The following MOB3B variants were observed in gnomAD, a reference collection of about 807,000 sequenced individuals.
MOB3B encodes MOB kinase activator 3B.
In MOB3B, 7 loss-of-function variants were observed where a neutral mutation model predicts 18.7. The observed-to-expected ratio is 0.37, with a 90% CI of 0.21 to 0.70. The LOEUF (loss-of-function observed/expected upper bound fraction) is 0.70, where lower values mean the gene tolerates loss of function less well. Ranked by LOEUF, MOB3B falls within the 30% of genes least tolerant of loss-of-function variation. The pLI is 0.52. For synonymous variants in MOB3B, 111 were observed against 99.9 expected (o/e 1.11, Z -0.66); for missense variants, 253 against 281.3 (o/e 0.90, Z 0.72).
Position 27,325,398 on chromosome 9 carries a change from G to C in MOB3B, c.*5189C>G, listed in dbSNP as rs1201779257. ...GTAAACATTTCTTTTTCTGATGTAT[G>C]TAAAAAAGATACAGGAAAATTCTGA... On this transcript the variant is annotated 3_prime_UTR_variant, in exon 4 of 4. Transcript: ENST00000262244. 1.3e-5 allele frequency: 2 copies of C among 152,108 alleles called. No individual in the cohort carries two copies. The highest frequency in any genetic ancestry group is 2.9e-5 in the Non-Finnish European group (2 of 68,004). 9.4% of individuals were successfully genotyped at this position (152,108 alleles called of 1,614,324 possible).
chr9:27,501,696 G>A (rs1819993632), intron 1 of MOB3B, among the ~76,000 whole-genome samples: 1 of 151,610 alleles, frequency 6.6e-6, no homozygotes, highest in Non-Finnish European at 1.5e-5. Context: ...GAACCCAGGA[G>A]GTGTAGGTTG....
intron 3 of MOB3B, among the ~76,000 whole-genome samples, chr9:27,351,603 T>C (rs1274710951): frequency 6.6e-6 from 1 of 152,188 alleles, no homozygotes; most frequent in Non-Finnish European, 1.5e-5. Flanking sequence ...TCTGTACAGA[T>C]GATGTTTCAA....
chr9:27,424,011 A>T (rs1822293570), intron 2 of MOB3B, among the ~76,000 whole-genome samples: 2 of 152,336 alleles, frequency 1.3e-5, no homozygotes, highest in African/African-American at 2.4e-5. Context: ...TAGGACATGA[A>T]CCTAGACAGG....
chr9:27,446,292 A>T (rs1822691792), intron 2 of MOB3B, among the ~76,000 whole-genome samples: 1 of 152,124 alleles, frequency 6.6e-6, no homozygotes, highest in Non-Finnish European at 1.5e-5. Flanking sequence ...CTTGCACTAC[A>T]GTAGTAGTTC....
At chr9:27,522,924 TA>T (rs1363269096) in intron 1 of MOB3B, among the ~76,000 whole-genome samples, 16 of 150,532 alleles carry the variant, frequency 1.1e-4, no homozygotes, top group South Asian at 1.1e-3. Flanking sequence ...TATATATATA[TA>T]TATTTTTTTC....
intron 2 of MOB3B, among the ~76,000 whole-genome samples, chr9:27,392,999 A>G (rs996266924): frequency 6.6e-6 from 1 of 152,240 alleles, no homozygotes; most frequent in Non-Finnish European, 1.5e-5. Flanking sequence ...TGAGATAAAA[A>G]GGAGGAAAAG....
intron 1 of MOB3B, among the ~76,000 whole-genome samples, chr9:27,468,555 G>A (rs902874729): frequency 6.6e-6 from 1 of 152,150 alleles, no homozygotes; most frequent in African/African-American, 2.4e-5. Flanking sequence ...GCACATCTCT[G>A]ATGCGAATGC....
At chr9:27,505,865 T>C (rs151095189) in intron 1 of MOB3B, among the ~76,000 whole-genome samples, 1,685 of 152,282 alleles carry the variant, frequency 0.011, 33 homozygotes, top group African/African-American at 0.038. Flanking sequence ...AGAGCCATTT[T>C]TTCCCCCTCT....
At chr9:27,445,171 G>A (rs1224995736) in intron 2 of MOB3B, among the ~76,000 whole-genome samples, 1 of 152,074 alleles carries the variant, frequency 6.6e-6, no homozygotes, top group African/African-American at 2.4e-5. Flanking sequence ...CTTTGAAAAG[G>A]GAAATTATGC....
In MOB3B at chr9:27,447,505, C is replaced by A. The variant is rs542767224; in HGVS notation, c.418+7628G>T. On this transcript the variant is annotated intron_variant, in intron 2 of 3. Coordinates refer to ENST00000262244, the MANE Select transcript of MOB3B (RefSeq NM_024761.5). ...CCCAGCTGGTGCTGAGATGTAACAA[C>A]TTGTCACCTGAGATACAGCCCATTA... 2.4e-4 allele frequency among the ~76,000 whole-genome samples: 36 copies of A among 152,300 alleles called. No individual in the cohort carries two copies. The South Asian group carries it at 7.5e-3, about 32-fold the overall frequency.
At chr9:27,351,765 A>G (rs1250204720) in intron 3 of MOB3B, among the ~76,000 whole-genome samples, 5 of 152,142 alleles carry the variant, frequency 3.3e-5, no homozygotes, top group Non-Finnish European at 7.4e-5. Context: ...CACTCACCCA[A>G]GCAACTCTGA....
chr9:27,519,650 G>T (rs899883734), intron 1 of MOB3B, among the ~76,000 whole-genome samples: 3 of 152,214 alleles, frequency 2.0e-5, no homozygotes, highest in Admixed American at 2.0e-4. Context: ...TGCCGCAGGG[G>T]AGGAGAGGAG....
chr9:27,486,382 C>A (rs751006535), intron 1 of MOB3B, among the ~76,000 whole-genome samples: 2 of 152,136 alleles, frequency 1.3e-5, no homozygotes, highest in Non-Finnish European at 2.9e-5. Flanking sequence ...AACAAGAAAT[C>A]CAAACAATTA....
chr9:27,357,751 CTAAA>C (rs1023659554), intron 3 of MOB3B, among the ~76,000 whole-genome samples: 1 of 151,554 alleles, frequency 6.6e-6, no homozygotes, highest in African/African-American at 2.4e-5. Context: ...TTTACCATAC[CTAAA>C]TAATAATAAA....
At chr9:27,511,514 A>C (rs1820144157) in intron 1 of MOB3B, among the ~76,000 whole-genome samples, 1 of 152,174 alleles carries the variant, frequency 6.6e-6, no homozygotes, top group African/African-American at 2.4e-5. Flanking sequence ...AAGAAGCTCC[A>C]TGGGCTCTGC....
At chr9:27,441,065 C>T (rs979449532) in intron 2 of MOB3B, among the ~76,000 whole-genome samples, 1 of 152,160 alleles carries the variant, frequency 6.6e-6, no homozygotes, top group Non-Finnish European at 1.5e-5. Context: ...AACACCGCCA[C>T]TGACCTGACA....
At chr9:27,404,624 C>T (rs1299988801) in intron 2 of MOB3B, among the ~76,000 whole-genome samples, 3 of 152,008 alleles carry the variant, frequency 2.0e-5, no homozygotes, top group African/African-American at 7.2e-5. Flanking sequence ...TCCCAAAGTG[C>T]TGGATTTACA....
chr9:27,497,586 T>C (rs904088136), intron 1 of MOB3B, among the ~76,000 whole-genome samples: 36 of 152,138 alleles, frequency 2.4e-4, no homozygotes, highest in African/African-American at 7.9e-4. Flanking sequence ...GTGATTTTAA[T>C]TTCTTTTCTG....
chr9:27,373,797 A>C (rs1821454008), intron 2 of MOB3B, among the ~76,000 whole-genome samples: 4 of 152,242 alleles, frequency 2.6e-5, no homozygotes, highest in African/African-American at 9.6e-5. Context: ...CAAACTCTGC[A>C]GTTGTTTTCC....
Sources: allele counts gnomAD v4.1 joint callset (sites outside exome capture counted in the v4.1 genomes callset), GRCh38; gene constraint gnomAD v4.1.1; transcripts MANE v1.5; gene names NCBI Gene and HGNC (gene_info 2026-07-23, HGNC 2026-07-21).